The following GTF2IRD1 variants were observed in gnomAD, a reference collection of about 807,000 sequenced individuals.
GTF2IRD1 encodes general transcription factor II-I repeat domain-containing protein 1.
In GTF2IRD1, 26 loss-of-function variants were observed where a neutral mutation model predicts 113.2. The ratio of observed to expected loss-of-function variants is 0.23; its 90% confidence interval spans 0.17 to 0.32. The LOEUF is 0.32. Ranked by LOEUF, GTF2IRD1 falls within the 10% of genes least tolerant of loss-of-function variation. The pLI, the probability that GTF2IRD1 is intolerant of heterozygous loss-of-function variation, is 1.00. For synonymous variants in GTF2IRD1, 484 were observed against 529.1 expected, an observed-to-expected ratio of 0.91 and a Z score of 1.17; for missense variants, 864 against 1,280.8, an observed-to-expected ratio of 0.67 and a Z score of 4.97.
chr7:74,457,871 G>GT lies in GTF2IRD1; in HGVS notation c.-7+3700dup, dbSNP rs1381895138. Among the ~76,000 whole-genome samples the GT allele has an allele frequency of 7.6e-5, 11 of 143,836 alleles. No homozygotes were observed. The East Asian group carries it at 8.2e-4, about 11-fold the overall frequency. The allele number at this position is 143,836 out of a possible 152,430, so 94.4% of individuals were successfully genotyped here. ...GGGCTTGGAATCCATGCTGAGTTAC[G>GT]TTTTTGTTTTTTTTTTTTTTTTTTT... On this transcript the variant is annotated intron_variant, in intron 1 of 26. Transcript: ENST00000424337.
intron 1 of GTF2IRD1, among the ~76,000 whole-genome samples, chr7:74,486,995 A>G (rs1403857080): frequency 6.6e-6 from 1 of 152,116 alleles, no homozygotes; most frequent in Non-Finnish European, 1.5e-5. Flanking sequence ...AAAGTTCCCA[A>G]AAGTTGGACT....
intron 22 of GTF2IRD1, among the ~76,000 whole-genome samples, chr7:74,567,520 T>G (rs587608842): frequency 2.6e-5 from 4 of 152,020 alleles, no homozygotes; most frequent in African/African-American, 9.6e-5. Context: ...GGGGAAGTGG[T>G]GGGGACCAGA....
intron 22 of GTF2IRD1, among the ~76,000 whole-genome samples, chr7:74,584,591 A>T (rs1554367162): frequency 1.3e-5 from 2 of 152,198 alleles, no homozygotes; most frequent in Non-Finnish European, 2.9e-5. Flanking sequence ...AATGATTTCT[A>T]TTCTTATCTT....
At chr7:74,541,607 A>C (rs2130613979) in intron 14 of GTF2IRD1, among the ~76,000 whole-genome samples, 1 of 151,898 alleles carries the variant, frequency 6.6e-6, no homozygotes, top group African/African-American at 2.4e-5. Flanking sequence ...CCCTATCTTA[A>C]AATAAATAAA....
At chr7:74,558,644 G>A (rs587757549) in intron 20 of GTF2IRD1, among the ~76,000 whole-genome samples, 2 of 152,060 alleles carry the variant, frequency 1.3e-5, no homozygotes, top group Admixed American at 1.3e-4. Flanking sequence ...GGGATTACGG[G>A]CATAAGCCAC....
intron 22 of GTF2IRD1, among the ~76,000 whole-genome samples, chr7:74,588,106 CTTTTTTT>C (rs781908698): frequency 3.0e-5 from 4 of 135,002 alleles, no homozygotes; most frequent in South Asian, 2.4e-4. Context: ...CTTTTCTTTT[CTTTTTTT>C]TTTTTTTTTT....
chr7:74,579,058 GC>G (rs1801253930), intron 22 of GTF2IRD1, among the ~76,000 whole-genome samples: 1 of 151,778 alleles, frequency 6.6e-6, no homozygotes. Flanking sequence ...CTGGTGACTC[GC>G]CCCTGTAATC....
chr7:74,602,156 C>G (rs782211492), intron 26 of GTF2IRD1: 8 of 415,300 alleles, frequency 1.9e-5, no homozygotes, highest in African/African-American at 1.4e-4. Flanking sequence ...GCAGGAGACT[C>G]GCTTGAACCC....
At chr7:74,526,810 T>C (rs1797629030) in intron 8 of GTF2IRD1, among the ~76,000 whole-genome samples, 1 of 150,568 alleles carries the variant, frequency 6.6e-6, no homozygotes, top group South Asian at 2.1e-4. Context: ...GGGGGGGAAG[T>C]GGGGAGAGAT....
intron 22 of GTF2IRD1, among the ~76,000 whole-genome samples, chr7:74,574,947 C>T (rs587676104): frequency 6.6e-6 from 1 of 152,046 alleles, no homozygotes; most frequent in South Asian, 2.1e-4. Flanking sequence ...AAAATTAGCC[C>T]AGCATCATGA....
Position 74,590,850 on chromosome 7 carries a change from G to A in GTF2IRD1, c.2424G>A (p.Pro808=), listed in dbSNP as rs781824508. Residue 808 remains proline, a synonymous_variant, in exon 24 of 27, where the codon CCG becomes CCA. Coordinates refer to ENST00000424337, the MANE Select transcript of GTF2IRD1 (RefSeq NM_005685.4). ...GTGAGGCCCTGGGCCTGAACCGGCC[G>A]GTGCTGGTCCCTTATAAACTAATCC... ...KYGEALGLNR[P]VLVPYKLIRD... The A allele has an allele frequency of 3.0e-5, 48 of 1,609,346 alleles. No individual in the cohort carries two copies. The East Asian group carries it at 6.0e-4, about 20-fold the overall frequency.
At chr7:74,463,839 T>C (rs1199704078) in intron 1 of GTF2IRD1, among the ~76,000 whole-genome samples, 2 of 151,882 alleles carry the variant, frequency 1.3e-5, no homozygotes, top group East Asian at 3.9e-4. Context: ...TTCTCCTGCC[T>C]CAGCTTCTCG....
intron 12 of GTF2IRD1, 103 bp downstream of exon 12, chr7:74,538,276 G>A (rs1798419098): frequency 2.5e-6 from 3 of 1,212,142 alleles, no homozygotes; most frequent in South Asian, 1.2e-5. Context: ...CCATGAGCCT[G>A]GAGTGCTAAC....
intron 22 of GTF2IRD1, among the ~76,000 whole-genome samples, chr7:74,578,414 G>A (rs587741413): frequency 9.9e-5 from 15 of 152,110 alleles, no homozygotes; most frequent in African/African-American, 2.4e-4. Context: ...CTGACCTCAC[G>A]ATCCACCCGC....
rs1461534560 is a variant in GTF2IRD1 at position 74,568,391 on chromosome 7, A to G, written c.2320+8736A>G. 6.6e-5 allele frequency among the ~76,000 whole-genome samples: 10 copies of G among 150,852 alleles called. No homozygotes were observed. The East Asian group carries it at 1.6e-3, about 24-fold the overall frequency. On this transcript the variant is annotated intron_variant, in intron 22 of 26. Coordinates refer to ENST00000424337, the MANE Select transcript of GTF2IRD1 (RefSeq NM_005685.4). The stretch of plus-strand genomic sequence containing the variant: ...GGGCCGGGCGTGGTGGCTCACGCCT[A>G]TAATCCCAGCACTTTGGGAGGCCCA...
At chr7:74,583,417 C>A (rs1164757690) in intron 22 of GTF2IRD1, among the ~76,000 whole-genome samples, 2 of 147,622 alleles carry the variant, frequency 1.4e-5, no homozygotes, top group Non-Finnish European at 3.0e-5. Context: ...GCCATGTTGC[C>A]CAGGCTGGTT....
At chr7:74,559,954 A>G (rs1317970542) in intron 22 of GTF2IRD1, among the ~76,000 whole-genome samples, 1 of 151,902 alleles carries the variant, frequency 6.6e-6, no homozygotes, top group Non-Finnish European at 1.5e-5. Flanking sequence ...TATTTTTTGT[A>G]TTTTTGGTAG....
intron 1 of GTF2IRD1, among the ~76,000 whole-genome samples, chr7:74,475,867 C>T (rs1794371609): frequency 2.0e-5 from 3 of 152,310 alleles, no homozygotes; most frequent in South Asian, 2.1e-4. Context: ...CTGGACTCTG[C>T]GGCCTGATCC....
chr7:74,498,477 TC>T (rs1554338614), intron 1 of GTF2IRD1, among the ~76,000 whole-genome samples: 1 of 152,164 alleles, frequency 6.6e-6, no homozygotes, highest in Non-Finnish European at 1.5e-5. Flanking sequence ...CCAAGCTTCT[TC>T]CCTTGCTTCT....
Sources: gnomAD v4.1 joint callset for allele counts (sites outside exome capture counted in the v4.1 genomes callset) on GRCh38, gnomAD v4.1.1 for gene constraint, MANE v1.5 for transcripts, NCBI Gene and HGNC (gene_info 2026-07-23, HGNC 2026-07-21) for gene names.